TMSB15B: variants seen among roughly 807,000 people sequenced by gnomAD.
TMSB15B encodes thymosin beta-15B.
intron 1 of TMSB15B, among the ~76,000 whole-genome samples, chrX:103,926,908 C>T (rs1193270489): frequency 9.1e-6 from 1 of 110,302 alleles, no homozygotes; most frequent in Non-Finnish European, 1.9e-5. Flanking sequence ...TGCCCCACAC[C>T]CACACAGCTC....
chrX:103,930,296 A>T (rs1195791264), intron 1 of TMSB15B, among the ~76,000 whole-genome samples: 3 of 111,139 alleles, frequency 2.7e-5, no homozygotes, highest in Non-Finnish European at 5.7e-5. Context: ...CAGCTCCTCG[A>T]AGCCCAGCTC....
At chrX:103,933,333 C>T (rs1317724735) in intron 1 of TMSB15B, among the ~76,000 whole-genome samples, 1 of 111,195 alleles carries the variant, frequency 9.0e-6, no homozygotes, top group Admixed American at 9.6e-5. Context: ...TATACCCTCC[C>T]TCATCATTTC....
chrX:103,922,323 C>T (rs2074955658), intron 1 of TMSB15B, among the ~76,000 whole-genome samples: 1 of 107,338 alleles, frequency 9.3e-6, no homozygotes, highest in South Asian at 4.3e-4. Flanking sequence ...TCGTCATTTA[C>T]ATTAGGTATA....
chrX:103,923,738 A>G (rs2074960576), intron 1 of TMSB15B, among the ~76,000 whole-genome samples: 1 of 111,778 alleles, frequency 8.9e-6, no homozygotes, highest in Admixed American at 9.5e-5. Flanking sequence ...AATTCTGTGA[A>G]GAAGGTCATT....
intron 1 of TMSB15B, chrX:103,929,053 T>C (rs2147818094): frequency 9.2e-7 from 1 of 1,087,876 alleles, no homozygotes; most frequent in Non-Finnish European, 1.2e-6. Flanking sequence ...CCTTTGTTAT[T>C]CTGAATCTTC....
intron 1 of TMSB15B, among the ~76,000 whole-genome samples, chrX:103,951,440 G>A (rs1208093611): frequency 8.9e-6 from 1 of 112,070 alleles, no homozygotes; most frequent in African/African-American, 3.2e-5. Context: ...AGTATTAGGA[G>A]TTTGAGGAGA....
At chrX:103,951,074 C>T (rs1211145091) in intron 1 of TMSB15B, among the ~76,000 whole-genome samples, 2 of 111,930 alleles carry the variant, frequency 1.8e-5, no homozygotes, top group Admixed American at 9.5e-5. Context: ...CCATCTTCTC[C>T]CTGTGTCTTC....
chrX:103,930,474 G>A (rs1273294415), intron 1 of TMSB15B, among the ~76,000 whole-genome samples: 2 of 110,710 alleles, frequency 1.8e-5, no homozygotes, highest in Admixed American at 9.7e-5. Context: ...CCACTAGACC[G>A]TAAAACTTAT....
In TMSB15B at chrX:103,928,468, G is replaced by T. The variant is rs2074975395; in HGVS notation, c.-721+9176G>T. 3 of 1,204,707 alleles carry T rather than the reference G, an allele frequency of 2.5e-6. No individual in the cohort carries two copies. The African/African-American group carries it at 5.2e-5, about 21-fold the overall frequency. ...CCACTGGGCTGCAGGGATCATGTCT[G>T]GCCTGGTGGAGGCTGTGGCACTCAG... On this transcript the variant is annotated intron_variant, in intron 1 of 3. Coordinates refer to the TMSB15B transcript ENST00000419165.
intron 1 of TMSB15B, among the ~76,000 whole-genome samples, chrX:103,953,586 G>C (rs1244882786): frequency 5.0e-4 from 57 of 112,891 alleles, no homozygotes; most frequent in African/African-American, 1.7e-3. Flanking sequence ...GGGTGACTTA[G>C]CCCTTCCAGC....
intron 1 of TMSB15B, among the ~76,000 whole-genome samples, chrX:103,940,682 G>C (rs1474976605): frequency 9.0e-6 from 1 of 110,941 alleles, no homozygotes; most frequent in African/African-American, 3.3e-5. Flanking sequence ...CTGTCTCACT[G>C]GTGTTCCAGG....
At chrX:103,922,632 G>A (rs1219742253) in intron 1 of TMSB15B, among the ~76,000 whole-genome samples, 3 of 111,271 alleles carry the variant, frequency 2.7e-5, no homozygotes, top group African/African-American at 9.8e-5. Flanking sequence ...TTGGTTCCAA[G>A]TCTTTGCTAT....
chrX:103,938,749 C>T (rs2075005267), intron 1 of TMSB15B, among the ~76,000 whole-genome samples: 1 of 111,829 alleles, frequency 8.9e-6, no homozygotes, highest in Admixed American at 9.5e-5. Flanking sequence ...CTCATAGTGT[C>T]GATGGTCTTT....
intron 1 of TMSB15B, among the ~76,000 whole-genome samples, chrX:103,923,489 G>C (rs782134164): frequency 9.0e-6 from 1 of 111,428 alleles, no homozygotes; most frequent in African/African-American, 3.3e-5. Flanking sequence ...TTTTTGTCAG[G>C]TTTGTCAAAG....
intron 1 of TMSB15B, among the ~76,000 whole-genome samples, chrX:103,946,009 C>T (rs1320929696): frequency 8.9e-6 from 1 of 112,154 alleles, no homozygotes; most frequent in Non-Finnish European, 1.9e-5. Flanking sequence ...TACAAAAGGT[C>T]TAGAATTTGA....
intron 1 of TMSB15B, among the ~76,000 whole-genome samples, chrX:103,930,725 G>GATAATAATAATA (rs10681462): frequency 4.3e-5 from 4 of 93,072 alleles, no homozygotes; most frequent in African/African-American, 7.9e-5. Flanking sequence ...TGATGCTGTT[G>GATAATAATAATA]ATAATAATAA....
chrX:103,941,071 C>T (rs1556324541), intron 1 of TMSB15B, among the ~76,000 whole-genome samples: 2 of 111,483 alleles, frequency 1.8e-5, no homozygotes, highest in African/African-American at 6.5e-5. Flanking sequence ...ATGAGATGAA[C>T]CTGGCACCTC....
intron 1 of TMSB15B, among the ~76,000 whole-genome samples, chrX:103,951,818 A>G (rs2075039875): frequency 9.0e-6 from 1 of 111,698 alleles, no homozygotes; most frequent in Non-Finnish European, 1.9e-5. Flanking sequence ...TGGTAAGATC[A>G]ATGGATTGGA....
At chrX:103,946,801 A>C (rs1556327480) in intron 1 of TMSB15B, among the ~76,000 whole-genome samples, 1 of 112,125 alleles carries the variant, frequency 8.9e-6, no homozygotes, top group African/African-American at 3.2e-5. Context: ...AAACTAATAA[A>C]AAATCATGTC....
Sources: gnomAD v4.1 joint callset for allele counts (sites outside exome capture counted in the v4.1 genomes callset) on GRCh38, gnomAD v4.1.1 for gene constraint, MANE v1.5 for transcripts, NCBI Gene and HGNC (gene_info 2026-07-23, HGNC 2026-07-21) for gene names.